The following IL15 variants were observed in gnomAD, a reference collection of about 807,000 sequenced individuals.
IL15 encodes the protein interleukin-15.
A neutral mutation model predicts 19.6 loss-of-function variants in IL15; 11 were observed. The observed-to-expected ratio is 0.56, with a 90% CI of 0.35 to 0.93. IL15 has a LOEUF of 0.93. Among genes scored for constraint, IL15 ranks in the 40% least tolerant of loss-of-function variants. IL15 has a pLI of 0.01. For synonymous variants in IL15, 58 were observed against 59.6 expected (o/e 0.97, Z 0.12); for missense variants, 197 against 186.5 (o/e 1.06, Z -0.33).
chr4:141,652,007 A>T (rs1489458198), intron 1 of IL15, among the ~76,000 whole-genome samples: 1 of 152,156 alleles, frequency 6.6e-6, no homozygotes, highest in African/African-American at 2.4e-5. Context: ...ATTGTGACAA[A>T]TCTGTAATCC....
At chr4:141,694,566 C>T (rs1729030155) in intron 2 of IL15, among the ~76,000 whole-genome samples, 1 of 152,104 alleles carries the variant, frequency 6.6e-6, no homozygotes, top group African/African-American at 2.4e-5. Context: ...TCATGGAAGG[C>T]CTGCAATAGA....
intron 2 of IL15, among the ~76,000 whole-genome samples, chr4:141,699,054 T>G (rs1276369869): frequency 6.6e-6 from 1 of 152,214 alleles, no homozygotes; most frequent in Non-Finnish European, 1.5e-5. Context: ...TCAAAGGATT[T>G]TAAAATTTCC....
intron 2 of IL15, among the ~76,000 whole-genome samples, chr4:141,708,852 T>A (rs755824420): frequency 6.6e-6 from 1 of 152,164 alleles, no homozygotes; most frequent in Non-Finnish European, 1.5e-5. Context: ...CTATAGTCAG[T>A]CATCTTTCTA....
chr4:141,672,681 C>T lies in IL15; in HGVS notation c.-100+16374C>T, dbSNP rs149065762. ...TCCTACTTTGAAAAATATTCAGTCT[C>T]CAGATGAACTGTAGACTTTAAATAC... On this transcript the variant is annotated intron_variant, in intron 2 of 7. Transcript: ENST00000320650. Among the ~76,000 whole-genome samples, 881 of 152,204 alleles carry T rather than the reference C, an allele frequency of 5.8e-3. 4 individuals are homozygous for T. The highest frequency in any genetic ancestry group is 0.017 in the Middle Eastern group (5 of 294).
chr4:141,664,873 A>G lies in IL15; in HGVS notation c.-100+8566A>G, dbSNP rs111434166. ...TTAGCCATGTGAATATATTACTTTTATAGAAAAATATATAAAAATACAAAT... is the reference window on the plus strand; with the variant it reads ...TTAGCCATGTGAATATATTACTTTTGTAGAAAAATATATAAAAATACAAAT... On this transcript the variant is annotated intron_variant, in intron 2 of 7. Coordinates refer to ENST00000320650, the MANE Select transcript of IL15 (RefSeq NM_000585.5). Among the ~76,000 whole-genome samples the G allele has an allele frequency of 1.2e-3, 179 of 152,270 alleles. 1 individual carries two copies. Among genetic ancestry groups the G allele is most frequent in the African/African-American group, 4.1e-3 (170 of 41,562 alleles).
chr4:141,688,191 A>G (rs1202581902), intron 2 of IL15, among the ~76,000 whole-genome samples: 1 of 152,172 alleles, frequency 6.6e-6, no homozygotes, highest in Non-Finnish European at 1.5e-5. Context: ...GTGACAGAAT[A>G]GTGACCTTAC....
At chr4:141,675,166 A>G (rs1038955624) in intron 2 of IL15, among the ~76,000 whole-genome samples, 3 of 152,096 alleles carry the variant, frequency 2.0e-5, no homozygotes, top group South Asian at 2.1e-4. Context: ...AAAAAACCAG[A>G]TGAACAGTGT....
chr4:141,721,092 C>G (rs1730058041), intron 4 of IL15: 3 of 1,479,602 alleles, frequency 2.0e-6, no homozygotes, highest in Non-Finnish European at 2.8e-6. Flanking sequence ...CCCAAAGCAC[C>G]TAACCTATAG....
At chr4:141,677,452 G>C (rs1728384453) in intron 2 of IL15, among the ~76,000 whole-genome samples, 1 of 152,140 alleles carries the variant, frequency 6.6e-6, no homozygotes, top group South Asian at 2.1e-4. Context: ...TATCAATAAG[G>C]CTTCTGGTCA....
chr4:141,693,016 C>CAAAAAAAAAAAAAAAAAAAAAAATAA (rs1728969280), intron 2 of IL15, among the ~76,000 whole-genome samples: 1 of 23,232 alleles, frequency 4.3e-5, no homozygotes, highest in Non-Finnish European at 7.7e-5. Context: ...GACTCCGTCT[C>CAAAAAAAAAAAAAAAAAAAAAAATAA]AAAAAAAAAA....
chr4:141,668,622 A>G (rs1042685134), intron 2 of IL15, among the ~76,000 whole-genome samples: 7 of 152,152 alleles, frequency 4.6e-5, no homozygotes, highest in African/African-American at 1.7e-4. Context: ...TCAGTACTGG[A>G]TGAGAATTTA....
At chr4:141,646,489 C>T (rs1330025833) in intron 1 of IL15, among the ~76,000 whole-genome samples, 1 of 152,112 alleles carries the variant, frequency 6.6e-6, no homozygotes, top group Non-Finnish European at 1.5e-5. Context: ...TCAAATATCC[C>T]TGTTGCAATG....
chr4:141,722,279 C>A (rs948784663), intron 5 of IL15, among the ~76,000 whole-genome samples: 1 of 152,148 alleles, frequency 6.6e-6, no homozygotes, highest in Non-Finnish European at 1.5e-5. Context: ...AGCCAGATAT[C>A]TTGGTGGCAC....
rs1730221765 is a variant in IL15, at chr4:141,725,333, A to T, written c.196-2607A>T. On this transcript the variant is annotated intron_variant, in intron 5 of 7. Coordinates refer to ENST00000320650, the MANE Select transcript of IL15 (RefSeq NM_000585.5). ...TGTATTTTGAGATAGGGTCAGTTAA[A>T]ATGAGGTCATGAGGGCAGGTCCTAC... 1.3e-5 allele frequency among the ~76,000 whole-genome samples: 2 copies of T among 152,200 alleles called. 1 individual carries two copies. The highest frequency in any genetic ancestry group is 4.1e-4 in the South Asian group (2 of 4,836).
chr4:141,694,278 A>G (rs554610114), intron 2 of IL15, among the ~76,000 whole-genome samples: 1 of 152,354 alleles, frequency 6.6e-6, no homozygotes, highest in Non-Finnish European at 1.5e-5. Flanking sequence ...AGCGATAGTC[A>G]CCTGAGAAAA....
intron 2 of IL15, among the ~76,000 whole-genome samples, chr4:141,672,155 T>C (rs1319897629): frequency 6.6e-6 from 1 of 152,244 alleles, no homozygotes; most frequent in African/African-American, 2.4e-5. Flanking sequence ...CAGCAACTTC[T>C]AACCAATAGG....
chr4:141,673,642 C>A lies in IL15; in HGVS notation c.-100+17335C>A, dbSNP rs541128788. On this transcript the variant is annotated intron_variant, in intron 2 of 7. Coordinates refer to ENST00000320650, the MANE Select transcript of IL15 (RefSeq NM_000585.5). ...CGACTGTATCTGCCTCCGGAACACA[C>A]GTGAAATAATGTATTTATTACTATC... is the stretch of plus-strand genomic sequence containing the variant. 2.0e-5 allele frequency among the ~76,000 whole-genome samples: 3 copies of A among 152,298 alleles called. No individual in the cohort carries two copies. In the East Asian group the frequency reaches 5.8e-4, roughly 29 times the overall value.
chr4:141,645,762 T>G (rs1007417357), intron 1 of IL15, among the ~76,000 whole-genome samples: 1 of 152,094 alleles, frequency 6.6e-6, no homozygotes, highest in African/African-American at 2.4e-5. Flanking sequence ...TATGACTCAA[T>G]GGTCAAGGGA....
chr4:141,690,063 T>G (rs928489653), intron 2 of IL15, among the ~76,000 whole-genome samples: 3 of 151,626 alleles, frequency 2.0e-5, no homozygotes, highest in Admixed American at 2.0e-4. Context: ...CTGGCACTGC[T>G]GGGGGATCCA....
Sources: gnomAD v4.1 joint callset for allele counts (sites outside exome capture counted in the v4.1 genomes callset) on GRCh38, gnomAD v4.1.1 for gene constraint, MANE v1.5 for transcripts, NCBI Gene and HGNC (gene_info 2026-07-23, HGNC 2026-07-21) for gene names.